SH3RF1: variants seen among roughly 807,000 people sequenced by gnomAD.
SH3RF1 encodes SH3 domain containing ring finger 1.
Under a neutral mutation model 74.0 loss-of-function variants are expected in SH3RF1, and 32 were observed. The ratio of observed to expected loss-of-function variants is 0.43; its 90% CI spans 0.33 to 0.58. The LOEUF (loss-of-function observed/expected upper bound fraction) is 0.58. Ranked by LOEUF, SH3RF1 falls within the 20% of genes least tolerant of loss-of-function variation. SH3RF1 has a pLI of 0.05. For synonymous variants in SH3RF1, 396 were observed against 439.6 expected, an observed-to-expected ratio of 0.90 and a Z score of 1.24; for missense variants, 954 against 1,130.9, an observed-to-expected ratio of 0.84 and a Z score of 2.24.
At chr4:169,230,189 ACT>A (rs1238953650) in intron 2 of SH3RF1, among the ~76,000 whole-genome samples, 1 of 152,032 alleles carries the variant, frequency 6.6e-6, no homozygotes, top group Non-Finnish European at 1.5e-5. Context: ...ACTAAATGAG[ACT>A]CTGTCTCAAA....
intron 2 of SH3RF1, among the ~76,000 whole-genome samples, chr4:169,267,241 A>G (rs1020094414): frequency 1.3e-5 from 2 of 152,222 alleles, no homozygotes; most frequent in African/African-American, 4.8e-5. Context: ...CAAACATTCA[A>G]TGCATTCCTC....
chr4:169,175,732 G>A (rs77924335), intron 2 of SH3RF1, among the ~76,000 whole-genome samples: 2,176 of 152,198 alleles, frequency 0.014, 52 homozygotes, highest in African/African-American at 0.049. Context: ...TAAAAAAACT[G>A]TCTTGTTCAA....
intron 10 of SH3RF1, among the ~76,000 whole-genome samples, chr4:169,113,695 T>C (rs1173344675): frequency 1.3e-5 from 2 of 152,244 alleles, no homozygotes; most frequent in South Asian, 2.1e-4. Flanking sequence ...ACTCTAGTCA[T>C]GAAGATTCAT....
chr4:169,218,845 A>G (rs1247949262), intron 2 of SH3RF1, among the ~76,000 whole-genome samples: 1 of 152,206 alleles, frequency 6.6e-6, no homozygotes, highest in Non-Finnish European at 1.5e-5. Context: ...AAAAATGTTA[A>G]GTAAAAGTAA....
intron 10 of SH3RF1, among the ~76,000 whole-genome samples, chr4:169,107,857 A>G (rs942636326): frequency 3.3e-5 from 5 of 152,190 alleles, no homozygotes; most frequent in African/African-American, 1.2e-4. Context: ...CCTTGCAAGT[A>G]CCTCCTTGAT....
intron 2 of SH3RF1, among the ~76,000 whole-genome samples, chr4:169,206,266 T>C (rs1730255189): frequency 6.6e-6 from 1 of 152,232 alleles, no homozygotes; most frequent in Non-Finnish European, 1.5e-5. Context: ...CCACACATGA[T>C]TCAATCTAAA....
chr4:169,191,314 A>AAC (rs1554007971), intron 2 of SH3RF1, among the ~76,000 whole-genome samples: 23 of 151,580 alleles, frequency 1.5e-4, no homozygotes, highest in African/African-American at 4.4e-4. Context: ...AAAAAAAAAA[A>AAC]ACCTTAGGAA....
At chr4:169,257,566 G>A (rs964113540) in intron 2 of SH3RF1, among the ~76,000 whole-genome samples, 6 of 152,106 alleles carry the variant, frequency 3.9e-5, no homozygotes, top group African/African-American at 9.7e-5. Context: ...CTGCCTCCCC[G>A]CTCTTTCAGC....
At chr4:169,242,770 T>G (rs1331329340) in intron 2 of SH3RF1, among the ~76,000 whole-genome samples, 1 of 152,212 alleles carries the variant, frequency 6.6e-6, no homozygotes, top group Non-Finnish European at 1.5e-5. Flanking sequence ...ATCTCCTGCC[T>G]GCTCTCTTGC....
rs58225221 is a variant in SH3RF1 at position 169,096,421 on chromosome 4, TGACCATCTGGAA to T, written c.*86_*97del. On this transcript the variant is annotated 3_prime_UTR_variant, in exon 12 of 12. Coordinates refer to ENST00000284637, the MANE Select transcript of SH3RF1 (RefSeq NM_020870.4). ...ACATACCAATCCTTTGCTCATCTCC[TGACCATCTGGAA>T]GTCCACAAATGTGCTCTTTCTGTTA... 3,305 of 1,339,292 alleles carry T rather than the reference TGACCATCTGGAA, an allele frequency of 2.5e-3. 54 individuals carry two copies. Among genetic ancestry groups the T allele is most frequent in the African/African-American group, 0.024 (1,662 of 68,956 alleles). 83.0% of individuals were successfully genotyped at this position (1,339,292 alleles called of 1,614,324 possible). A position where few individuals can be genotyped will look rare whatever the true frequency, so the allele number is the denominator to read the frequency against.
chr4:169,158,532 A>C (rs1394283201), intron 2 of SH3RF1, among the ~76,000 whole-genome samples: 1 of 152,240 alleles, frequency 6.6e-6, no homozygotes, highest in Admixed American at 6.5e-5. Flanking sequence ...ATGGTAAGTC[A>C]TTTCCATGTT....
intron 2 of SH3RF1, among the ~76,000 whole-genome samples, chr4:169,204,712 G>A (rs1010979205): frequency 1.3e-5 from 2 of 151,844 alleles, no homozygotes; most frequent in Non-Finnish European, 2.9e-5. Flanking sequence ...TACCACGCCC[G>A]GCTAATTTTT....
chr4:169,196,015 T>C (rs1734804667), intron 2 of SH3RF1, among the ~76,000 whole-genome samples: 1 of 152,154 alleles, frequency 6.6e-6, no homozygotes, highest in Non-Finnish European at 1.5e-5. Context: ...GTTTTTGCCA[T>C]GTTGGCCAGG....
At chr4:169,105,810 C>T (rs1290063909) in intron 11 of SH3RF1, among the ~76,000 whole-genome samples, 1 of 152,096 alleles carries the variant, frequency 6.6e-6, no homozygotes, top group Admixed American at 6.5e-5. Context: ...CACTTGAGCC[C>T]AGGATGTTGA....
At chr4:169,144,997 C>G (rs1037032460) in intron 4 of SH3RF1, among the ~76,000 whole-genome samples, 22 of 152,076 alleles carry the variant, frequency 1.4e-4, no homozygotes, top group African/African-American at 5.3e-4. Flanking sequence ...GGCCAACCAT[C>G]CAACCAACGA....
intron 2 of SH3RF1, among the ~76,000 whole-genome samples, chr4:169,193,341 G>GT (rs898860615): frequency 1.5e-4 from 23 of 152,058 alleles, no homozygotes; most frequent in African/African-American, 5.6e-4. Context: ...CTTCCCCCAG[G>GT]TAAGTTTAGG....
At chr4:169,208,336 C>T (rs1730295736) in intron 2 of SH3RF1, among the ~76,000 whole-genome samples, 1 of 151,948 alleles carries the variant, frequency 6.6e-6, no homozygotes, top group Admixed American at 6.6e-5. Flanking sequence ...ACACATTGTG[C>T]CCTCATTTTC....
At chr4:169,175,912 A>T (rs137970736) in intron 2 of SH3RF1, among the ~76,000 whole-genome samples, 2 of 152,342 alleles carry the variant, frequency 1.3e-5, no homozygotes, top group Non-Finnish European at 2.9e-5. Flanking sequence ...AGGTTTGGTT[A>T]GTATGAGAGT....
At chr4:169,109,091 T>C (rs938786358) in intron 10 of SH3RF1, among the ~76,000 whole-genome samples, 1 of 152,206 alleles carries the variant, frequency 6.6e-6, no homozygotes, top group African/African-American at 2.4e-5. Context: ...GGCCAAGAGA[T>C]GACATGCAAA....
Sources: gnomAD v4.1 joint callset for allele counts (sites outside exome capture counted in the v4.1 genomes callset) on GRCh38, gnomAD v4.1.1 for gene constraint, MANE v1.5 for transcripts, NCBI Gene and HGNC (gene_info 2026-07-23, HGNC 2026-07-21) for gene names.